ATP11A: variants seen among roughly 807,000 people sequenced by gnomAD.
ATP11A encodes phospholipid-transporting ATPase IH.
ATP11A carries 81 observed loss-of-function variants against 154.4 expected under a neutral mutation model. The observed-to-expected ratio is 0.52, with a 90% CI of 0.44 to 0.63. The LOEUF (loss-of-function observed/expected upper bound fraction) is 0.63. Ranked by LOEUF, ATP11A falls within the 30% of genes least tolerant of loss-of-function variation. ATP11A has a pLI of 0.00. For synonymous variants in ATP11A, 623 were observed against 585.9 expected, an observed-to-expected ratio of 1.06 and a Z score of -0.91; for missense variants, 1,316 against 1,474.3, an observed-to-expected ratio of 0.89 and a Z score of 1.76.
chr13:112,711,773 C>T (rs1306394761), intron 1 of ATP11A, among the ~76,000 whole-genome samples: 1 of 152,228 alleles, frequency 6.6e-6, no homozygotes, highest in Non-Finnish European at 1.5e-5. Context: ...GACTGGGAAA[C>T]AGCCCGGATG....
At chr13:112,808,852 A>T (rs2078404304) in intron 4 of ATP11A, among the ~76,000 whole-genome samples, 1 of 152,060 alleles carries the variant, frequency 6.6e-6, no homozygotes, top group South Asian at 2.1e-4. Flanking sequence ...CGATCAGCCC[A>T]TCACATGCAT....
At chr13:112,880,572 C>T in intron 29 of ATP11A, 1 of 1,300,268 alleles carries the variant, frequency 7.7e-7, no homozygotes, top group Non-Finnish European at 1.0e-6. Context: ...AGGCTCCAGT[C>T]CAGGCCGCAC....
chr13:112,832,721 C>A (rs552134489), intron 13 of ATP11A, 139 bp from the exon 14 acceptor site: 2 of 878,906 alleles, frequency 2.3e-6, no homozygotes, highest in South Asian at 1.6e-5. Context: ...CACTGTATAA[C>A]CCCTCACCGC....
chr13:112,721,986 C>T (rs1319649110), intron 1 of ATP11A, among the ~76,000 whole-genome samples: 1 of 152,156 alleles, frequency 6.6e-6, no homozygotes, highest in Admixed American at 6.5e-5. Flanking sequence ...GTCATTTTAA[C>T]TTAAATATCC....
chr13:112,701,129 A>T (rs1886472123), intron 1 of ATP11A, among the ~76,000 whole-genome samples: 1 of 152,186 alleles, frequency 6.6e-6, no homozygotes, highest in African/African-American at 2.4e-5. Flanking sequence ...GAATACACAG[A>T]AATTCGAGTC....
chr13:112,853,302 A>G (rs2079828403), intron 18 of ATP11A, among the ~76,000 whole-genome samples: 1 of 152,122 alleles, frequency 6.6e-6, no homozygotes. Context: ...ACACATATAT[A>G]TATACACATA....
chr13:112,832,306 A>G lies in ATP11A; in HGVS notation c.1396-554A>G, dbSNP rs554794675. 7.9e-5 allele frequency among the ~76,000 whole-genome samples: 12 copies of G among 152,252 alleles called. No homozygotes were observed. In the East Asian group the frequency reaches 1.5e-3, roughly 20 times the overall value. ...GCTGTGGCCCTGAGCACATCACTTCACCTTCCTAAACGCTGATTCTGCAGC... is the reference window on the plus strand; with the variant it reads ...GCTGTGGCCCTGAGCACATCACTTCGCCTTCCTAAACGCTGATTCTGCAGC... On this transcript the variant is annotated intron_variant, in intron 13 of 29. Coordinates refer to ENST00000375645, the MANE Select transcript of ATP11A (RefSeq NM_015205.3).
chr13:112,781,084 A>G (rs2077487201), intron 1 of ATP11A, among the ~76,000 whole-genome samples: 1 of 152,136 alleles, frequency 6.6e-6, no homozygotes, highest in Non-Finnish European at 1.5e-5. Flanking sequence ...TCTGTCATCC[A>G]GGCTGGAGAG....
Position 112,709,518 on chromosome 13 carries a change from GCTAT to G in ATP11A, c.39+19067_39+19070del, listed in dbSNP as rs371724011. ...TTACAACCTGCCTTCTCTGAAGTCC[GCTAT>G]CTAAGAGCTTCCTCTGCACAATAAA... is the stretch of plus-strand genomic sequence containing the variant. On this transcript the variant is annotated intron_variant, in intron 1 of 29. Coordinates refer to ENST00000375645, the MANE Select transcript of ATP11A (RefSeq NM_015205.3). Among the ~76,000 whole-genome samples, 1,010 of 152,260 alleles carry G rather than the reference GCTAT, an allele frequency of 6.6e-3. 12 individuals are homozygous for G. The highest frequency in any genetic ancestry group is 0.011 in the Non-Finnish European group (756 of 68,016).
At chr13:112,861,397 G>A (rs777100536) in intron 24 of ATP11A, among the ~76,000 whole-genome samples, 11 of 152,202 alleles carry the variant, frequency 7.2e-5, no homozygotes, top group South Asian at 2.1e-4. Context: ...GTGGTGACAC[G>A]CAAGAAACTG....
intron 27 of ATP11A, among the ~76,000 whole-genome samples, chr13:112,873,953 C>T (rs2080632416): frequency 1.3e-5 from 2 of 152,152 alleles, no homozygotes; most frequent in East Asian, 1.9e-4. Context: ...CAGGATTCCG[C>T]ACCAGGGGAC....
intron 24 of ATP11A, among the ~76,000 whole-genome samples, chr13:112,862,074 G>A (rs866156234): frequency 1.2e-4 from 18 of 152,168 alleles, no homozygotes; most frequent in Non-Finnish European, 2.1e-4. Context: ...CACGTCAGGC[G>A]TAAGGCGTCA....
rs1235064031 is a variant in ATP11A at position 112,819,955 on chromosome 13, G to A, written c.725+5G>A. The A allele has an allele frequency of 6.3e-7, 1 of 1,595,268 alleles. No homozygotes were observed. Among genetic ancestry groups the A allele is most frequent in the African/African-American group, 1.4e-5 (1 of 73,866 alleles). ...CCTGAATGACCCCGTGGTGAGGTGAGTGCCTCTGCGGATGCCTTGGCCACG... is the reference window on the plus strand; with the variant it reads ...CCTGAATGACCCCGTGGTGAGGTGAATGCCTCTGCGGATGCCTTGGCCACG... On this transcript the variant is annotated splice_donor_5th_base_variant and intron_variant, in intron 8 of 29. Coordinates refer to ENST00000375645, the MANE Select transcript of ATP11A (RefSeq NM_015205.3).
chr13:112,740,880 G>A (rs529012003), intron 1 of ATP11A, among the ~76,000 whole-genome samples: 7 of 152,310 alleles, frequency 4.6e-5, no homozygotes, highest in African/African-American at 1.4e-4. Context: ...ACCCACTTCC[G>A]CTGCTGACGT....
intron 25 of ATP11A, among the ~76,000 whole-genome samples, chr13:112,867,723 C>T (rs567896451): frequency 4.7e-4 from 72 of 152,320 alleles, no homozygotes; most frequent in African/African-American, 1.5e-3. Flanking sequence ...CTGGAAGGTA[C>T]CTTGAGCCCC....
intron 16 of ATP11A, among the ~76,000 whole-genome samples, chr13:112,841,150 A>G (rs1280356857): frequency 1.1e-4 from 17 of 150,458 alleles, no homozygotes; most frequent in Admixed American, 9.2e-4. Flanking sequence ...TCAGGTGCAG[A>G]GGGAGCTCTG....
chr13:112,821,478 T>C (rs2078795596), intron 8 of ATP11A, among the ~76,000 whole-genome samples: 2 of 152,098 alleles, frequency 1.3e-5, no homozygotes, highest in South Asian at 4.1e-4. Flanking sequence ...CATGCCCAGC[T>C]AATTTTTGTA....
intron 17 of ATP11A, among the ~76,000 whole-genome samples, chr13:112,848,666 AG>A (rs2079675668): frequency 6.6e-6 from 1 of 152,140 alleles, no homozygotes. Context: ...TTCACCATGG[AG>A]GGTGATGTTA....
At chr13:112,839,639 G>T (rs1312399817) in intron 16 of ATP11A, among the ~76,000 whole-genome samples, 1 of 152,196 alleles carries the variant, frequency 6.6e-6, no homozygotes, top group East Asian at 1.9e-4. Context: ...TATGTCACCT[G>T]TGTGTGCACG....
Sources: gnomAD v4.1 joint callset for allele counts (sites outside exome capture counted in the v4.1 genomes callset) on GRCh38, gnomAD v4.1.1 for gene constraint, MANE v1.5 for transcripts, NCBI Gene and HGNC (gene_info 2026-07-23, HGNC 2026-07-21) for gene names.